ATP11A: variants seen among roughly 807,000 people sequenced by gnomAD.
ATP11A encodes the protein ATPase phospholipid transporting 11A, also known as phospholipid-transporting ATPase IH.
A neutral mutation model predicts 154.4 loss-of-function variants in ATP11A; 81 were observed. The ratio of observed to expected loss-of-function variants is 0.52; its 90% confidence interval spans 0.44 to 0.63. The LOEUF (loss-of-function observed/expected upper bound fraction) is 0.63, where lower values mean the gene tolerates loss of function less well. Among genes scored for constraint, ATP11A ranks in the 30% least tolerant of loss-of-function variants. ATP11A has a pLI of 0.00. For synonymous variants in ATP11A, 623 were observed against 585.9 expected (o/e 1.06, Z -0.91); for missense variants, 1,316 against 1,474.3 (o/e 0.89, Z 1.76).
chr13:112,766,605 C>G (rs567929977), intron 1 of ATP11A, among the ~76,000 whole-genome samples: 1 of 144,642 alleles, frequency 6.9e-6, no homozygotes, highest in Non-Finnish European at 1.5e-5. Flanking sequence ...TGCTTGCATC[C>G]GTCTCCCTGT....
In ATP11A at chr13:112,751,574, C is replaced by A. The variant is rs541353550; in HGVS notation, c.40-33561C>A. Among the ~76,000 whole-genome samples, 215 of 152,186 alleles carry A rather than the reference C, an allele frequency of 1.4e-3. 1 individual carries two copies. The highest frequency in any genetic ancestry group is 4.9e-3 in the African/African-American group (204 of 41,532). ...ACTAGGGAGGCTGAGGCATGAGAAT[C>A]ACTTGAACCCGGAAGGTGGAGGTTG... On this transcript the variant is annotated intron_variant, in intron 1 of 29. Transcript: ENST00000375645.
At chr13:112,757,387 G>A (rs959035825) in intron 1 of ATP11A, among the ~76,000 whole-genome samples, 8 of 152,370 alleles carry the variant, frequency 5.3e-5, no homozygotes, top group African/African-American at 1.7e-4. Flanking sequence ...CTTGTTTTCC[G>A]AGTCTCTTAG....
At chr13:112,772,788 C>T (rs181943001) in intron 1 of ATP11A, among the ~76,000 whole-genome samples, 101 of 152,378 alleles carry the variant, frequency 6.6e-4, no homozygotes, top group African/African-American at 2.2e-3. Context: ...GGGGTCACCC[C>T]GCATTTCCCT....
chr13:112,725,865 G>A (rs1215098160), intron 1 of ATP11A, among the ~76,000 whole-genome samples: 1 of 152,206 alleles, frequency 6.6e-6, no homozygotes, highest in Non-Finnish European at 1.5e-5. Context: ...GAAGGAGGCT[G>A]AGAGAGACTC....
At position 112,851,114 on chromosome 13, in the gene ATP11A, G is replaced by C; in HGVS notation, c.1887G>C (p.Gln629His). 2 of 1,614,262 alleles carry C rather than the reference G, an allele frequency of 1.2e-6. No individual in the cohort carries two copies. Among genetic ancestry groups the C allele is most frequent in the South Asian group, 2.2e-5 (2 of 91,088 alleles). ...EEYEGICKLLQAAKVALQDRE... is the reference protein window; with the variant it reads ...EEYEGICKLLHAAKVALQDRE... ...ATGAAGGCATTTGTAAGCTGCTGCA[G>C]GCTGCCAAAGTGGCCCTTCAAGATC... Residue 629 changes from glutamine (Q) to histidine (H), a missense_variant, in exon 18 of 30, where the codon CAG becomes CAC. Gln to His is a conservative substitution (Grantham distance 24, BLOSUM62 0). Around this residue, in one of 5 missense-constraint regions of ATP11A, gnomAD observed 876 missense variants for 1,006.8 expected, o/e 0.87. Transcript: ENST00000375645.
chr13:112,705,133 T>C (rs1227317285), intron 1 of ATP11A, among the ~76,000 whole-genome samples: 1 of 152,272 alleles, frequency 6.6e-6, no homozygotes, highest in East Asian at 1.9e-4. Flanking sequence ...ACGTGCTTTT[T>C]TGTTTTCAGT....
chr13:112,721,292 C>T (rs1212606436), intron 1 of ATP11A, among the ~76,000 whole-genome samples: 1 of 152,138 alleles, frequency 6.6e-6, no homozygotes, highest in Non-Finnish European at 1.5e-5. Context: ...CCATCTTAGT[C>T]AAGAAAACTG....
intron 1 of ATP11A, among the ~76,000 whole-genome samples, chr13:112,735,890 CCCATGGTCCGTGTGCTCCT>C (rs1223253639): frequency 6.6e-6 from 1 of 152,238 alleles, no homozygotes; most frequent in Admixed American, 6.5e-5. Context: ...ATCCATAAGT[CCCATGGTCCGTGTGCTCCT>C]CCATGCCTCC....
chr13:112,788,480 C>T (rs1487351093), intron 2 of ATP11A, among the ~76,000 whole-genome samples: 25 of 148,772 alleles, frequency 1.7e-4, no homozygotes, highest in African/African-American at 3.3e-4. Flanking sequence ...TAATTCACAC[C>T]GGGTGTCCTG....
In ATP11A at chr13:112,690,383, G is replaced by T; in HGVS notation, c.-34G>T. ...GGCGCGCCGAGCCGGGCGCGGGGGCGCTGAACGGCGGAGCGGGAGCGGCCG... is the reference window on the plus strand; with the variant it reads ...GGCGCGCCGAGCCGGGCGCGGGGGCTCTGAACGGCGGAGCGGGAGCGGCCG... On this transcript the variant is annotated 5_prime_UTR_variant, in exon 1 of 30. Coordinates refer to ENST00000375645, the MANE Select transcript of ATP11A (RefSeq NM_015205.3). The surrounding 1 kb of genome is among the most constrained non-coding windows in gnomAD (Gnocchi z 5.6). 7.9e-7 allele frequency: 1 copy of T among 1,270,218 alleles called. No homozygotes were observed. Among genetic ancestry groups the T allele is most frequent in the Non-Finnish European group, 9.9e-7 (1 of 1,008,668 alleles). The allele number at this position is 1,270,218 out of a possible 1,614,324, so 78.7% of individuals were successfully genotyped here.
At chr13:112,857,583 C>A (rs181353297) in intron 20 of ATP11A, among the ~76,000 whole-genome samples, 27 of 152,306 alleles carry the variant, frequency 1.8e-4, no homozygotes, top group African/African-American at 6.5e-4. Context: ...TTTTCCAGCT[C>A]ACGTCATTTT....
chr13:112,821,488 A>G (rs925153732), intron 8 of ATP11A, among the ~76,000 whole-genome samples: 1 of 151,964 alleles, frequency 6.6e-6, no homozygotes, highest in Admixed American at 6.6e-5. Flanking sequence ...TAATTTTTGT[A>G]TTTATAGTAG....
intron 20 of ATP11A, chr13:112,856,608 G>C (rs1048562694): frequency 2.6e-5 from 4 of 152,418 alleles, no homozygotes; most frequent in Admixed American, 2.6e-4. Flanking sequence ...ACGCGGCCAT[G>C]TTCTTGTGGG....
At chr13:112,828,608 A>G (rs1392067481) in intron 12 of ATP11A, among the ~76,000 whole-genome samples, 3 of 152,156 alleles carry the variant, frequency 2.0e-5, no homozygotes, top group African/African-American at 4.8e-5. Flanking sequence ...TGCAAGGGAA[A>G]GCGCCCAGCA....
rs908224884 is a variant in ATP11A at position 112,839,675 on chromosome 13, A to C, written c.1706-2601A>C. 1.3e-5 allele frequency among the ~76,000 whole-genome samples: 2 copies of C among 152,206 alleles called. 1 individual carries two copies. Among genetic ancestry groups the C allele is most frequent in the South Asian group, 4.1e-4 (2 of 4,826 alleles). On this transcript the variant is annotated intron_variant, in intron 16 of 29. Transcript: ENST00000375645. Reference sequence around the variant, plus strand: ...GTCTTCAGTTGCTCATTGTAGATTAACTTTTGCTCTGTCCTCTGGGTTTTT... The same window carrying C: ...GTCTTCAGTTGCTCATTGTAGATTACCTTTTGCTCTGTCCTCTGGGTTTTT...
Position 112,785,365 on chromosome 13 carries a change from C to CA in ATP11A, c.162+109dup. 8.0e-7 allele frequency: 1 copy of CA among 1,254,920 alleles called. No individual in the cohort carries two copies. The highest frequency in any genetic ancestry group is 1.0e-6 in the Non-Finnish European group (1 of 973,096). The allele number at this position is 1,254,920 out of a possible 1,614,324, so 77.7% of individuals were successfully genotyped here. The stretch of plus-strand genomic sequence containing the variant: ...GCGGCTCTGCTCCTGGCCCTGCTGT[C>CA]ACAGCCACCAGCCACCCCCAGCAAG... On this transcript the variant is annotated intron_variant, in intron 2 of 29. Coordinates refer to ENST00000375645, the MANE Select transcript of ATP11A (RefSeq NM_015205.3). This position sits in a 1 kb window ranked among gnomAD's most constrained non-coding sequence, Gnocchi z 4.8.
chr13:112,834,982 G>A (rs577419846), intron 15 of ATP11A, among the ~76,000 whole-genome samples: 5 of 152,342 alleles, frequency 3.3e-5, no homozygotes, highest in South Asian at 2.1e-4. Flanking sequence ...GCTGCAGGCC[G>A]CGTTCTGACC....
In ATP11A at chr13:112,854,541, C is replaced by T. The variant is rs149565454; in HGVS notation, c.2243+11C>T. On this transcript the variant is annotated intron_variant, in intron 19 of 29. Transcript: ENST00000375645. ...AGACAACCTGTCCGGGTAGGCAGCG[C>T]GTCCCCGCCCCCACCCCCACACTCC... is the stretch of plus-strand genomic sequence containing the variant. 1,552 of 1,598,956 alleles carry T rather than the reference C, an allele frequency of 9.7e-4. 11 individuals carry two copies. The African/African-American group carries it at 0.018, about 19-fold the overall frequency.
intron 1 of ATP11A, among the ~76,000 whole-genome samples, chr13:112,734,254 G>A (rs1890779000): frequency 6.6e-6 from 1 of 152,108 alleles, no homozygotes; most frequent in Non-Finnish European, 1.5e-5. Context: ...TTTAATTGGT[G>A]CTGGGATGAG....
Sources: allele counts gnomAD v4.1 joint callset (sites outside exome capture counted in the v4.1 genomes callset), GRCh38; gene constraint gnomAD v4.1.1; regional missense constraint gnomAD v4.1.1; non-coding constraint Gnocchi (gnomAD v3.1); transcripts MANE v1.5; gene names NCBI Gene and HGNC (gene_info 2026-07-23, HGNC 2026-07-21).